The following FER1L6 variants were observed in gnomAD, a reference collection of about 807,000 sequenced individuals.
The protein encoded by FER1L6 is fer-1 like family member 6.
FER1L6 carries 177 observed loss-of-function variants against 219.2 expected under a neutral mutation model. The observed-to-expected ratio is 0.81, with a 90% CI of 0.71 to 0.91. The LOEUF (loss-of-function observed/expected upper bound fraction) is 0.91, where lower values mean the gene tolerates loss of function less well. FER1L6 is among the 40% of genes least tolerant of loss of function. FER1L6 has a pLI of 0.00. For synonymous variants in FER1L6, 768 were observed against 824.3 expected, an observed-to-expected ratio of 0.93 and a Z score of 1.17; for missense variants, 2,153 against 2,259.9, an observed-to-expected ratio of 0.95 and a Z score of 0.96.
chr8:123,910,129 G>A (rs1586456464), intron 1 of FER1L6, among the ~76,000 whole-genome samples: 1 of 152,144 alleles, frequency 6.6e-6, no homozygotes, highest in African/African-American at 2.4e-5. Context: ...TCCATCCTAG[G>A]CAGCCATGTT....
At chr8:123,985,556 A>G (rs1188564387) in intron 11 of FER1L6, 1 of 153,520 alleles carries the variant, frequency 6.5e-6, no homozygotes, top group Admixed American at 6.5e-5. Context: ...TAGTTCCCTC[A>G]GTTTCCTTAT....
At chr8:123,965,973 G>A in intron 3 of FER1L6, 34 bp from the exon 4 acceptor site, 2 of 1,564,410 alleles carry the variant, frequency 1.3e-6, no homozygotes, top group East Asian at 2.3e-5. Flanking sequence ...ATTCTTCCTT[G>A]ATGAAACAAA....
chr8:123,972,418 T>C (rs1815859705), intron 6 of FER1L6, among the ~76,000 whole-genome samples: 1 of 152,214 alleles, frequency 6.6e-6, no homozygotes, highest in South Asian at 2.1e-4. Context: ...AAACTGTCCT[T>C]GACTTAAGGA....
intron 32 of FER1L6, among the ~76,000 whole-genome samples, chr8:124,078,262 G>GC (rs1292208214): frequency 6.6e-6 from 1 of 152,114 alleles, no homozygotes; most frequent in Non-Finnish European, 1.5e-5. Context: ...ATTTAATGGG[G>GC]CCCTATCTCC....
intron 1 of FER1L6, among the ~76,000 whole-genome samples, chr8:123,857,143 T>C (rs757056895): frequency 9.2e-5 from 14 of 152,150 alleles, no homozygotes; most frequent in Non-Finnish European, 1.8e-4. Context: ...ATCAGAAAAA[T>C]CTCATTGTTC....
chr8:124,022,478 G>T (rs1818497307), intron 17 of FER1L6, among the ~76,000 whole-genome samples: 1 of 152,182 alleles, frequency 6.6e-6, no homozygotes, highest in Non-Finnish European at 1.5e-5. Flanking sequence ...AACATAATGG[G>T]CCACTTGGCA....
rs1586418628 is a variant in FER1L6 at position 123,852,508 on chromosome 8, G to C, written c.-8+323G>C. Among the ~76,000 whole-genome samples the C allele has an allele frequency of 6.8e-6, 1 of 146,310 alleles. No individual in the cohort carries two copies. The highest frequency in any genetic ancestry group is 6.8e-5 in the Admixed American group (1 of 14,616). ...TGTGTGTGTGTGTGTGTGTGTGTGT[G>C]TGTGTTTGACAGAGACAGAGGGAGG... On this transcript the variant is annotated intron_variant, in intron 1 of 40. Coordinates refer to ENST00000522917, the MANE Select transcript of FER1L6 (RefSeq NM_001039112.2). The surrounding 1 kb of genome is among the most constrained non-coding windows in gnomAD (Gnocchi z 4.9).
chr8:123,894,298 A>G (rs1452978110), intron 1 of FER1L6, among the ~76,000 whole-genome samples: 2 of 152,138 alleles, frequency 1.3e-5, no homozygotes, highest in African/African-American at 4.8e-5. Flanking sequence ...TTTCTTGCCT[A>G]CTATATAAAC....
At chr8:123,985,097 A>G (rs1816507268) in intron 11 of FER1L6, 1 of 152,174 alleles carries the variant, frequency 6.6e-6, no homozygotes, top group Non-Finnish European at 1.5e-5. Context: ...ATGACTTGTT[A>G]TAGTCTAGTC....
At chr8:123,883,146 G>A (rs1817141266) in intron 1 of FER1L6, among the ~76,000 whole-genome samples, 1 of 152,228 alleles carries the variant, frequency 6.6e-6, no homozygotes, top group Non-Finnish European at 1.5e-5. Flanking sequence ...ATGAGAAGGT[G>A]TGAACAATGG....
intron 27 of FER1L6, among the ~76,000 whole-genome samples, chr8:124,066,893 T>A (rs553182879): frequency 5.3e-5 from 8 of 152,254 alleles, no homozygotes; most frequent in African/African-American, 1.9e-4. Context: ...TGGGCATCAA[T>A]GACTGAGGCC....
chr8:124,079,584 T>C (rs1287158391), intron 32 of FER1L6, among the ~76,000 whole-genome samples: 1 of 152,196 alleles, frequency 6.6e-6, no homozygotes, highest in Admixed American at 6.5e-5. Context: ...TTTTTTTCTT[T>C]CCAATCAGGT....
intron 1 of FER1L6, among the ~76,000 whole-genome samples, chr8:123,862,705 T>C (rs1816767706): frequency 7.3e-6 from 1 of 137,606 alleles, no homozygotes; most frequent in Non-Finnish European, 1.5e-5. Flanking sequence ...GGTTTAGTCT[T>C]GGGAGAGTGT....
intron 39 of FER1L6, among the ~76,000 whole-genome samples, chr8:124,113,221 G>T (rs1563807864): frequency 6.6e-6 from 1 of 152,062 alleles, no homozygotes; most frequent in Non-Finnish European, 1.5e-5. Context: ...CAGAAAAGTT[G>T]AAATGGAACA....
chr8:124,106,885 A>G (rs1041823752), intron 39 of FER1L6, among the ~76,000 whole-genome samples: 6 of 151,900 alleles, frequency 3.9e-5, no homozygotes, highest in Non-Finnish European at 8.8e-5. Flanking sequence ...TATTTATTGA[A>G]TGAATCAATT....
At chr8:123,951,223 T>A (rs1260262306) in intron 1 of FER1L6, among the ~76,000 whole-genome samples, 8 of 152,144 alleles carry the variant, frequency 5.3e-5, no homozygotes, top group Admixed American at 5.2e-4. Flanking sequence ...CTTTGTCCCA[T>A]CACTGACCAA....
chr8:124,076,529 G>C (rs920936811), intron 32 of FER1L6, among the ~76,000 whole-genome samples: 8 of 152,100 alleles, frequency 5.3e-5, no homozygotes, highest in African/African-American at 1.9e-4. Flanking sequence ...TGAGGAATTT[G>C]GTGGTACTTG....
At chr8:123,879,960 G>C (rs1474591578) in intron 1 of FER1L6, among the ~76,000 whole-genome samples, 1 of 152,114 alleles carries the variant, frequency 6.6e-6, no homozygotes. Context: ...GCTGTCCCCC[G>C]TTCACCATGA....
At chr8:124,085,241 AATCTT>A (rs1821731358) in intron 33 of FER1L6, among the ~76,000 whole-genome samples, 1 of 151,928 alleles carries the variant, frequency 6.6e-6, no homozygotes, top group Non-Finnish European at 1.5e-5. Flanking sequence ...TCATTTTGTT[AATCTT>A]ATCTCTTTTT....
Sources: gnomAD v4.1 joint callset for allele counts (sites outside exome capture counted in the v4.1 genomes callset) on GRCh38, gnomAD v4.1.1 for gene constraint, Gnocchi (gnomAD v3.1) non-coding constraint, MANE v1.5 for transcripts, NCBI Gene and HGNC (gene_info 2026-07-23, HGNC 2026-07-21) for gene names.